The following ATP8B3 variants were observed in gnomAD, a reference collection of about 807,000 sequenced individuals.
The protein encoded by ATP8B3 is phospholipid-transporting ATPase IK.
A neutral mutation model predicts 140.9 loss-of-function variants in ATP8B3; 141 were observed. The observed-to-expected ratio is 1.00, with a 90% CI of 0.87 to 1.15. The LOEUF (loss-of-function observed/expected upper bound fraction) is 1.15. ATP8B3 is among the 50% of genes most tolerant of loss of function. ATP8B3 has a pLI of 0.00. For missense variants in ATP8B3, 1,874 were observed against 1,740.6 expected, an observed-to-expected ratio of 1.08 and a Z score of -1.36; for synonymous variants, 765 against 714.6, an observed-to-expected ratio of 1.07 and a Z score of -1.13.
At position 1,789,936 on chromosome 19, in the gene ATP8B3, G is replaced by A. The variant is rs920017560; in HGVS notation, c.2432C>T (p.Ser811Phe). Residue 811 changes from serine (S) to phenylalanine (F), a missense_variant, in exon 22 of 29, where the codon TCC (serine) becomes TTC (phenylalanine). Transcript: ENST00000310127. Reference sequence around the variant, plus strand: ...CAAGGCCAGCTTGACCTGCGACAGGGACTCCCTGGTTAGAAGGTTGTTACT... The same window carrying A: ...CAAGGCCAGCTTGACCTGCGACAGGAACTCCCTGGTTAGAAGGTTGTTACT... ...ENSNNLLTRE[S>F]LSQVKLALVI... 1.2e-5 allele frequency: 20 copies of A among 1,612,064 alleles called. No individual in the cohort carries two copies. The highest frequency in any genetic ancestry group is 3.3e-5 in the Admixed American group (2 of 59,990).
At chr19:1,793,836 G>A (rs949780013) in intron 18 of ATP8B3, among the ~76,000 whole-genome samples, 14 of 152,024 alleles carry the variant, frequency 9.2e-5, no homozygotes, top group African/African-American at 1.9e-4. Flanking sequence ...TCTGCCTCCC[G>A]GGTTCAAGCG....
chr19:1,805,810 T>G lies in ATP8B3; in HGVS notation c.821+78A>C. 6.3e-7 allele frequency: 1 copy of G among 1,575,270 alleles called. No homozygotes were observed. Among genetic ancestry groups the G allele is most frequent in the Non-Finnish European group, 8.7e-7 (1 of 1,150,208 alleles). ...TGAGCGACCTTGGCTGGCCGCCTCC[T>G]TGGTGACTGGGGAAGGGGGCTCCTC... On this transcript the variant is annotated intron_variant, in intron 9 of 28. Transcript: ENST00000310127. The surrounding 1 kb of genome is among the most constrained non-coding windows in gnomAD (Gnocchi z 5.2).
chr19:1,811,437 C>T, intron 2 of ATP8B3, 52 bp downstream of exon 2: 1 of 1,567,710 alleles, frequency 6.4e-7, no homozygotes, highest in Non-Finnish European at 8.6e-7. Context: ...CAGTGCCCTC[C>T]CCGCCAAGCC....
intron 10 of ATP8B3, among the ~76,000 whole-genome samples, chr19:1,804,323 G>A (rs10424868): frequency 0.24 from 36,548 of 151,900 alleles, 5,039 homozygotes; most frequent in East Asian, 0.59. Context: ...ATGAAACCCC[G>A]TCTCGGCCGG....
At position 1,782,998 on chromosome 19, in the gene ATP8B3, C is replaced by A. The variant is rs2068199827; in HGVS notation, c.*30G>T. On this transcript the variant is annotated 3_prime_UTR_variant, in exon 29 of 29. Transcript: ENST00000310127. Reference sequence around the variant, plus strand: ...CCTGCCCCTGTGGCTGGTGCTTCTTCTTCCCCAGGAAGGACATCTTCCTGA... The same window carrying A: ...CCTGCCCCTGTGGCTGGTGCTTCTTATTCCCCAGGAAGGACATCTTCCTGA... 3 of 1,577,100 alleles carry A rather than the reference C, an allele frequency of 1.9e-6. No homozygotes were observed. Among genetic ancestry groups the A allele is most frequent in the African/African-American group, 1.3e-5 (1 of 74,156 alleles).
In ATP8B3 at chr19:1,794,553, CA is replaced by C. The variant is rs147377280; in HGVS notation, c.2055+1321del. Among the ~76,000 whole-genome samples the C allele has an allele frequency of 0.079, 12,070 of 152,106 alleles. 592 individuals are homozygous for C. Among genetic ancestry groups the C allele is most frequent in the South Asian group, 0.14 (693 of 4,816 alleles). On this transcript the variant is annotated intron_variant, in intron 18 of 28. Transcript: ENST00000310127. The surrounding 1 kb of genome is among the most constrained non-coding windows in gnomAD (Gnocchi z 4.8). The stretch of plus-strand genomic sequence containing the variant: ...TGGCCCTGTAGGGTCAGGGCTGGAC[CA>C]GGGGGAGGCAGCCTGGGGTGATGAC...
intron 20 of ATP8B3, among the ~76,000 whole-genome samples, chr19:1,791,153 G>C (rs1408870030): frequency 6.6e-6 from 1 of 152,146 alleles, no homozygotes; most frequent in Non-Finnish European, 1.5e-5. Flanking sequence ...TAAATCAGAA[G>C]GGAAATAATT....
At chr19:1,786,972 AC>A (rs1464246488) in intron 25 of ATP8B3, 130 bp downstream of exon 25, 7 of 777,948 alleles carry the variant, frequency 9.0e-6, no homozygotes, top group African/African-American at 1.8e-5. Context: ...GAGGTACTGG[AC>A]TGCACCCCCT....
At position 1,811,709 on chromosome 19, in the gene ATP8B3, T is replaced by G; in HGVS notation, c.28A>C (p.Arg10=). The G allele has an allele frequency of 6.2e-7, 1 of 1,602,752 alleles. No individual in the cohort carries two copies. The highest frequency in any genetic ancestry group is 1.1e-5 in the South Asian group (1 of 90,838). ...GGCTCAGGGCCAGCTCTGGTGCTCCTGGGAGTCTGAGCGGGGCCAGTGCCC... is the reference window on the plus strand; with the variant it reads ...GGCTCAGGGCCAGCTCTGGTGCTCCGGGGAGTCTGAGCGGGGCCAGTGCCC... MGTGPAQTP[R]STRAGPEPSP... The change falls in exon 2 of 29, where the codon AGG becomes CGG. Residue 10 remains arginine, a synonymous_variant. Transcript: ENST00000310127.
chr19:1,810,120 G>A (rs2069145714), intron 3 of ATP8B3, among the ~76,000 whole-genome samples: 3 of 152,246 alleles, frequency 2.0e-5, no homozygotes, highest in Admixed American at 6.5e-5. Flanking sequence ...TTCTGGGCAT[G>A]CAGCCCCCAA....
intron 24 of ATP8B3, 96 bp downstream of exon 24, chr19:1,788,801 G>A: frequency 1.7e-6 from 2 of 1,204,302 alleles, no homozygotes; most frequent in Non-Finnish European, 2.3e-6. Flanking sequence ...GGATCCCAGG[G>A]TTCTCAGTGC....
chr19:1,799,795 C>G (rs1173287597), intron 14 of ATP8B3, 152 bp downstream of exon 14: 1 of 815,804 alleles, frequency 1.2e-6, no homozygotes, highest in Non-Finnish European at 1.9e-6. Flanking sequence ...CTGGCCCCCT[C>G]CAAAGGAAAC....
At position 1,788,893 on chromosome 19, in the gene ATP8B3, G is replaced by A; in HGVS notation, c.3069+4C>T. On this transcript the variant is annotated splice_donor_region_variant and intron_variant, in intron 24 of 28. Transcript: ENST00000310127. ...TCATGGGGCAGCCAGGGTGGGGGAC[G>A]CACCTGGCCGGTGAAGCCGTTGTAG... 2 of 1,579,554 alleles carry A rather than the reference G, an allele frequency of 1.3e-6. No homozygotes were observed. Among genetic ancestry groups the A allele is most frequent in the African/African-American group, 1.3e-5 (1 of 74,202 alleles).
chr19:1,803,400 G>C (rs1184898274), intron 10 of ATP8B3, among the ~76,000 whole-genome samples: 1 of 152,202 alleles, frequency 6.6e-6, no homozygotes, highest in Non-Finnish European at 1.5e-5. Flanking sequence ...CGGCCAGAGG[G>C]CAGAGAACCA....
chr19:1,799,318 G>C (rs1195153705), intron 14 of ATP8B3: 1 of 152,044 alleles, frequency 6.6e-6, no homozygotes, highest in Non-Finnish European at 1.5e-5. Flanking sequence ...ACAAAAATTA[G>C]CCAGGCGGGG....
chr19:1,791,215 C>A (rs1057312761), intron 20 of ATP8B3, among the ~76,000 whole-genome samples: 3 of 151,826 alleles, frequency 2.0e-5, no homozygotes, highest in Admixed American at 6.6e-5. Context: ...CCCTGAAAAT[C>A]ACTTTTTTTT....
chr19:1,786,870 C>A (rs904796882), intron 25 of ATP8B3, among the ~76,000 whole-genome samples: 4 of 152,128 alleles, frequency 2.6e-5, no homozygotes, highest in African/African-American at 9.7e-5. Flanking sequence ...GGCTCCAGCA[C>A]AGGGTGGGGG....
rs367740247 is a variant in ATP8B3 at position 1,800,654 on chromosome 19, G to T, written c.1153-205C>A. Among the ~76,000 whole-genome samples, 4 of 151,872 alleles carry T rather than the reference G, an allele frequency of 2.6e-5. No homozygotes were observed. The highest frequency in any genetic ancestry group is 5.9e-5 in the Non-Finnish European group (4 of 67,998). On this transcript the variant is annotated intron_variant, in intron 12 of 28. Transcript: ENST00000310127. The surrounding 1 kb of genome is among the most constrained non-coding windows in gnomAD (Gnocchi z 4.4). ...GGGCGACAAAGTGAGACCTCATCTC[G>T]ACGAAAAACTTAAAAAATAAATTAG...
At chr19:1,798,403 G>T (rs1600443650) in intron 14 of ATP8B3, among the ~76,000 whole-genome samples, 1 of 151,902 alleles carries the variant, frequency 6.6e-6, no homozygotes, top group East Asian at 1.9e-4. Context: ...ATTGTTTTTG[G>T]ATTTTTAATG....
Sources: allele counts gnomAD v4.1 joint callset (sites outside exome capture counted in the v4.1 genomes callset), GRCh38; gene constraint gnomAD v4.1.1; non-coding constraint Gnocchi (gnomAD v3.1); transcripts MANE v1.5; gene names NCBI Gene and HGNC (gene_info 2026-07-23, HGNC 2026-07-21).